CLOCK: variants seen among roughly 807,000 people sequenced by gnomAD.
CLOCK encodes clock circadian regulator.
CLOCK carries 43 observed loss-of-function variants against 118.4 expected under a neutral mutation model. That is an observed-to-expected ratio of 0.36 (90% CI 0.28 to 0.47). The LOEUF is 0.47. Ranked by LOEUF, CLOCK falls within the 20% of genes least tolerant of loss-of-function variation. The pLI, the probability that CLOCK is intolerant of heterozygous loss-of-function variation, is 1.00. For synonymous variants in CLOCK, 326 were observed against 339.2 expected (o/e 0.96, Z 0.43); for missense variants, 846 against 999.9 (o/e 0.85, Z 2.08).
chr4:55,509,210 A>C (rs1036113837), intron 2 of CLOCK, among the ~76,000 whole-genome samples: 1 of 152,224 alleles, frequency 6.6e-6, no homozygotes, highest in South Asian at 2.1e-4. Context: ...CCACTGTCGT[A>C]TATTTGGTCC....
chr4:55,443,245 G>A (rs1195376777), intron 20 of CLOCK, among the ~76,000 whole-genome samples: 1 of 152,086 alleles, frequency 6.6e-6, no homozygotes, highest in East Asian at 1.9e-4. Context: ...GGAGGCTGAG[G>A]TGGGCGATCA....
intron 19 of CLOCK, among the ~76,000 whole-genome samples, 188 bp downstream of exon 19, chr4:55,444,445 C>A (rs1332535693): frequency 6.6e-6 from 1 of 151,916 alleles, no homozygotes; most frequent in Non-Finnish European, 1.5e-5. Context: ...ACAGAAATAC[C>A]CTCAGAAACA....
intron 3 of CLOCK, among the ~76,000 whole-genome samples, chr4:55,483,541 G>C (rs1235173679): frequency 6.6e-6 from 1 of 152,138 alleles, no homozygotes; most frequent in African/African-American, 2.4e-5. Flanking sequence ...AGGGCTCCAC[G>C]TGATAATGTA....
chr4:55,500,060 A>C (rs1467652802), intron 2 of CLOCK, among the ~76,000 whole-genome samples: 1 of 152,166 alleles, frequency 6.6e-6, no homozygotes, highest in East Asian at 1.9e-4. Flanking sequence ...CTGGGAGAGA[A>C]AAAAAGGGGG....
At chr4:55,486,152 A>G (rs1727283671) in intron 3 of CLOCK, among the ~76,000 whole-genome samples, 1 of 152,226 alleles carries the variant, frequency 6.6e-6, no homozygotes, top group South Asian at 2.1e-4. Flanking sequence ...GCCAATTCAC[A>G]GCTAAGCCAT....
chr4:55,454,861 A>T (rs1334313832), intron 13 of CLOCK, among the ~76,000 whole-genome samples: 1 of 53,906 alleles, frequency 1.9e-5, no homozygotes, highest in African/African-American at 7.2e-5. Context: ...CCCACCCCCC[A>T]ACCCCGCCGC....
intron 9 of CLOCK, 152 bp downstream of exon 9, chr4:55,463,533 C>A: frequency 1.8e-6 from 1 of 552,724 alleles, no homozygotes; most frequent in Non-Finnish European, 3.1e-6. Flanking sequence ...GTCACAATTT[C>A]ATTTTATATA....
At position 55,478,899 on chromosome 4, in the gene CLOCK, C is replaced by G; in HGVS notation, c.172G>C (p.Gly58Arg). The change falls in exon 6 of 23, where the codon GGA (glycine) becomes CGA (arginine). Residue 58 changes from glycine (G) to arginine (R), a missense_variant. By Grantham distance (125) the Gly-to-Arg change is moderately radical (BLOSUM62 -2). Transcript: ENST00000513440. The stretch of plus-strand genomic sequence containing the variant: ...CTAGCATTACCAGGAAGCATGGATC[C>G]CAGTTCTTTAATGAGAACATTAAAT... ...DQFNVLIKEL[G>R]SMLPGNARKM... is the part of the protein sequence containing the mutation. 4 of 1,610,272 alleles carry G rather than the reference C, an allele frequency of 2.5e-6. No individual in the cohort carries two copies. The highest frequency in any genetic ancestry group is 1.7e-4 in the Middle Eastern group (1 of 5,962).
chr4:55,546,574 G>A (rs1375708487), intron 1 of CLOCK: 1 of 151,620 alleles, frequency 6.6e-6, no homozygotes, highest in Non-Finnish European at 1.5e-5. Context: ...GTGTCCAGGA[G>A]GCGCCGCGGC....
At chr4:55,517,005 T>C (rs1022278446) in intron 1 of CLOCK, among the ~76,000 whole-genome samples, 33 of 152,192 alleles carry the variant, frequency 2.2e-4, no homozygotes, top group African/African-American at 7.2e-4. Context: ...TTCCTGTCAT[T>C]CATTTCACTT....
At chr4:55,466,046 T>C (rs1256618224) in intron 8 of CLOCK, among the ~76,000 whole-genome samples, 1 of 152,138 alleles carries the variant, frequency 6.6e-6, no homozygotes, top group Non-Finnish European at 1.5e-5. Context: ...GTATATGATA[T>C]TGATGCAAAA....
intron 1 of CLOCK, among the ~76,000 whole-genome samples, chr4:55,541,468 G>GT (rs1731261610): frequency 6.6e-6 from 1 of 152,112 alleles, no homozygotes; most frequent in South Asian, 2.1e-4. Context: ...ACATCAAAAG[G>GT]TTTAGCTACA....
At position 55,531,826 on chromosome 4, in the gene CLOCK, T is replaced by C. The variant is rs140528138; in HGVS notation, c.-290+14956A>G. 4.9e-4 allele frequency among the ~76,000 whole-genome samples: 65 copies of C among 131,432 alleles called. No homozygotes were observed. In the East Asian group the frequency reaches 0.014, roughly 28 times the overall value. The allele number at this position is 131,432 out of a possible 152,430, so 86.2% of individuals were successfully genotyped here. A position where few individuals can be genotyped will look rare whatever the true frequency, so the allele number is the denominator to read the frequency against. ...CTAAAAAGCCGCCATTACCCTGATATAAAAACCAGACAAAGATACCACAAG... is the reference window on the plus strand; with the variant it reads ...CTAAAAAGCCGCCATTACCCTGATACAAAAACCAGACAAAGATACCACAAG... On this transcript the variant is annotated intron_variant, in intron 1 of 22. Coordinates refer to ENST00000513440, the MANE Select transcript of CLOCK (RefSeq NM_004898.4).
intron 2 of CLOCK, among the ~76,000 whole-genome samples, chr4:55,494,458 G>C (rs1720555328): frequency 6.6e-6 from 1 of 152,158 alleles, no homozygotes; most frequent in Non-Finnish European, 1.5e-5. Flanking sequence ...GAGTTCTTAA[G>C]AGGAAAGGAC....
At position 55,444,681 on chromosome 4, in the gene CLOCK, T is replaced by C; in HGVS notation, c.1644A>G (p.Leu548=). Residue 548 remains leucine (L), a synonymous_variant, in exon 19 of 23, where the codon CTA becomes CTG. Coordinates refer to ENST00000513440, the MANE Select transcript of CLOCK (RefSeq NM_004898.4). ...EANIHRQQEE[L]RKIQEQLQMV... ...TCTGAAGTTGTTCTTGAATTTTTCTTAGTTCTTCTTGTTGCCGATGAATAT... is the reference window on the plus strand; with the variant it reads ...TCTGAAGTTGTTCTTGAATTTTTCTCAGTTCTTCTTGTTGCCGATGAATAT... The C allele has an allele frequency of 1.9e-6, 3 of 1,614,156 alleles. No individual in the cohort carries two copies. The highest frequency in any genetic ancestry group is 2.5e-6 in the Non-Finnish European group (3 of 1,180,012).
intron 1 of CLOCK, among the ~76,000 whole-genome samples, chr4:55,531,703 CAAAAAAAAAAAAAAAA>C (rs373796432): frequency 2.4e-5 from 1 of 41,248 alleles, no homozygotes; most frequent in Non-Finnish European, 4.2e-5. Context: ...GACTTCGTCT[CAAAAAAAAAAAAAAAA>C]AAAAAAAAAA....
intron 2 of CLOCK, among the ~76,000 whole-genome samples, chr4:55,508,775 G>C (rs1728966338): frequency 6.6e-6 from 1 of 152,084 alleles, no homozygotes; most frequent in African/African-American, 2.4e-5. Context: ...TGTATTTTTA[G>C]TAGAGACGGA....
At chr4:55,505,847 T>C (rs571940009) in intron 2 of CLOCK, among the ~76,000 whole-genome samples, 1 of 135,472 alleles carries the variant, frequency 7.4e-6, no homozygotes, top group Non-Finnish European at 1.6e-5. Context: ...ACAATCCTGT[T>C]GACCAACTGT....
At chr4:55,476,817 T>C (rs1054748943) in intron 6 of CLOCK, among the ~76,000 whole-genome samples, 10 of 152,148 alleles carry the variant, frequency 6.6e-5, no homozygotes, top group African/African-American at 1.7e-4. Context: ...TTTTTTAATG[T>C]AGACATATTA....
Sources: allele counts gnomAD v4.1 joint callset (sites outside exome capture counted in the v4.1 genomes callset), GRCh38; gene constraint gnomAD v4.1.1; transcripts MANE v1.5; gene names NCBI Gene and HGNC (gene_info 2026-07-23, HGNC 2026-07-21).